Variants in MAML1 observed in about 807,000 individuals in gnomAD.
MAML1 encodes the protein mastermind-like protein 1.
Under a neutral mutation model 77.1 loss-of-function variants are expected in MAML1, and 14 were observed. The ratio of observed to expected loss-of-function variants is 0.18; its 90% CI spans 0.12 to 0.28. MAML1 has a LOEUF of 0.28. MAML1 is among the 10% of genes least tolerant of loss of function. MAML1 has a pLI of 1.00. For missense variants in MAML1, 1,217 were observed against 1,327.8 expected (o/e 0.92, Z 1.30); for synonymous variants, 516 against 551.9 (o/e 0.93, Z 0.91).
chr5:179,764,298 C>T (rs183265057), intron 1 of MAML1, among the ~76,000 whole-genome samples: 87 of 152,098 alleles, frequency 5.7e-4, no homozygotes, highest in Non-Finnish European at 4.4e-4. Context: ...CATCGAGGAG[C>T]AGATGGGAAG....
chr5:179,763,370 G>A (rs976875203), intron 1 of MAML1, among the ~76,000 whole-genome samples: 3 of 152,022 alleles, frequency 2.0e-5, no homozygotes, highest in African/African-American at 7.2e-5. Context: ...TAAAGCAAAC[G>A]TCCTGCAGCT....
chr5:179,751,252 C>T (rs1360830647), intron 1 of MAML1, among the ~76,000 whole-genome samples: 3 of 152,056 alleles, frequency 2.0e-5, no homozygotes, highest in Non-Finnish European at 2.9e-5. Flanking sequence ...GGATTACAGG[C>T]GTGAGCCACC....
chr5:179,750,223 A>G (rs1216876830), intron 1 of MAML1, among the ~76,000 whole-genome samples: 4 of 152,228 alleles, frequency 2.6e-5, no homozygotes, highest in Non-Finnish European at 5.9e-5. Context: ...GGATGTGGCC[A>G]TGTGCTCTTA....
At position 179,766,321 on chromosome 5, in the gene MAML1, C is replaced by T; in HGVS notation, c.1311C>T (p.His437=). The change falls in exon 2 of 5, where the codon CAC becomes CAT. Residue 437 remains histidine, a synonymous_variant. Transcript: ENST00000292599. This position sits in a 1 kb window ranked among gnomAD's most constrained non-coding sequence, Gnocchi z 4.0. The part of the protein sequence containing the change: ...MSTWQQTGPS[H]SSLDVPYPME... ...CATGGCAGCAGACGGGGCCCTCCCA[C>T]AGTTCCTTAGATGTCCCTTACCCCA... 1 of 1,610,426 alleles carries T rather than the reference C, an allele frequency of 6.2e-7. No individual in the cohort carries two copies. The highest frequency in any genetic ancestry group is 8.5e-7 in the Non-Finnish European group (1 of 1,178,200).
Position 179,733,127 on chromosome 5 carries a change from C to G in MAML1, c.15C>G (p.Thr5=). The change falls in exon 1 of 5, where the codon ACC becomes ACG. Residue 5 remains threonine, a synonymous_variant. Coordinates refer to ENST00000292599, the MANE Select transcript of MAML1 (RefSeq NM_014757.5). ...GCCCGCGGCCCATGGTGCTGCCCAC[C>G]TGCCCCATGGCGGAGTTCGCGCTGC... is the stretch of plus-strand genomic sequence containing the variant. MVLP[T]CPMAEFALPR... 1 of 1,439,088 alleles carries G rather than the reference C, an allele frequency of 6.9e-7. No individual in the cohort carries two copies. Among genetic ancestry groups the G allele is most frequent in the Non-Finnish European group, 9.1e-7 (1 of 1,098,532 alleles). 89.1% of individuals were successfully genotyped at this position (1,439,088 alleles called of 1,614,324 possible).
In MAML1 at chr5:179,771,088, C is replaced by T; in HGVS notation, c.1972-59C>T. The T allele has an allele frequency of 7.5e-7, 1 of 1,335,674 alleles. No individual in the cohort carries two copies. Among genetic ancestry groups the T allele is most frequent in the Non-Finnish European group, 1.1e-6 (1 of 926,758 alleles). 82.7% of individuals were successfully genotyped at this position (1,335,674 alleles called of 1,614,324 possible). ...TACTTTTCTCTGACCTCCCTCACTC[C>T]CTTTGTTTTGGATTTTGTTATATGT... On this transcript the variant is annotated intron_variant, in intron 3 of 4. Transcript: ENST00000292599. The surrounding 1 kb of genome is among the most constrained non-coding windows in gnomAD (Gnocchi z 4.7).
chr5:179,742,153 G>A (rs984106090), intron 1 of MAML1, among the ~76,000 whole-genome samples: 46 of 151,218 alleles, frequency 3.0e-4, no homozygotes, highest in African/African-American at 8.2e-4. Flanking sequence ...GATTACAGGC[G>A]TGAGCCACCG....
Position 179,776,335 on chromosome 5 carries a change from C to T in MAML1, c.*1458C>T. The T allele has an allele frequency of 1.0e-6, 1 of 985,856 alleles. No homozygotes were observed. Among genetic ancestry groups the T allele is most frequent in the Non-Finnish European group, 1.2e-6 (1 of 829,956 alleles). The allele number at this position is 985,856 out of a possible 1,614,324, so 61.1% of individuals were successfully genotyped here. On this transcript the variant is annotated 3_prime_UTR_variant, in exon 5 of 5. Transcript: ENST00000292599. ...TGTGAGAATTGAGCCAAGGAAAATA[C>T]TCATGCAACCAGCCTGAGTCGCGGT...
chr5:179,768,782 C>A, intron 2 of MAML1, 68 bp from the exon 3 acceptor site: 1 of 1,571,832 alleles, frequency 6.4e-7, no homozygotes, highest in South Asian at 1.1e-5. Context: ...ACCTTGAATT[C>A]ACTGGATGGA....
Position 179,775,249 on chromosome 5 carries a change from A to C in MAML1, c.*372A>C, listed in dbSNP as rs1366396552. Reference sequence around the variant, plus strand: ...TGGTGATTTTATCCAAGACTGCTCCACTTACCCCAGTGCTGGGGACAAGTT... The same window carrying C: ...TGGTGATTTTATCCAAGACTGCTCCCCTTACCCCAGTGCTGGGGACAAGTT... On this transcript the variant is annotated 3_prime_UTR_variant, in exon 5 of 5. Transcript: ENST00000292599. 8 of 1,015,590 alleles carry C rather than the reference A, an allele frequency of 7.9e-6. No homozygotes were observed. Among genetic ancestry groups the C allele is most frequent in the Non-Finnish European group, 8.2e-6 (7 of 850,350 alleles). The allele number at this position is 1,015,590 out of a possible 1,614,324, so 62.9% of individuals were successfully genotyped here. A position where few individuals can be genotyped will look rare whatever the true frequency, so the allele number is the denominator to read the frequency against.
Position 179,775,390 on chromosome 5 carries a change from T to C in MAML1, c.*513T>C, listed in dbSNP as rs1756114715. 14 of 985,406 alleles carry C rather than the reference T, an allele frequency of 1.4e-5. No individual in the cohort carries two copies. The highest frequency in any genetic ancestry group is 1.7e-5 in the Non-Finnish European group (14 of 829,854). The allele number at this position is 985,406 out of a possible 1,614,324, so 61.0% of individuals were successfully genotyped here. Reference sequence around the variant, plus strand: ...AGGGTAGGTGATGGTTTAAATCAATTAAGTGGCATTGGAAACCTAGGGTTT... The same window carrying C: ...AGGGTAGGTGATGGTTTAAATCAATCAAGTGGCATTGGAAACCTAGGGTTT... On this transcript the variant is annotated 3_prime_UTR_variant, in exon 5 of 5. Transcript: ENST00000292599.
Position 179,769,063 on chromosome 5 carries a change from A to C in MAML1, c.1945A>C (p.Arg649=). 1 of 1,614,228 alleles carries C rather than the reference A, an allele frequency of 6.2e-7. No individual in the cohort carries two copies. The highest frequency in any genetic ancestry group is 8.5e-7 in the Non-Finnish European group (1 of 1,180,042). The change falls in exon 3 of 5, where the codon AGG becomes CGG. Residue 649 remains arginine, a synonymous_variant. Coordinates refer to ENST00000292599, the MANE Select transcript of MAML1 (RefSeq NM_014757.5). This position sits in a 1 kb window ranked among gnomAD's most constrained non-coding sequence, Gnocchi z 4.2. ...KHLQQQQFLQ[R]QQHLLAEQEK... is the part of the protein sequence containing the mutation. ...TTTACAGCAACAGCAGTTCCTTCAG[A>C]GGCAACAGCACCTTCTCGCGGAACA...
intron 1 of MAML1, among the ~76,000 whole-genome samples, chr5:179,753,883 G>A (rs1317328248): frequency 6.6e-6 from 1 of 151,850 alleles, no homozygotes; most frequent in Non-Finnish European, 1.5e-5. Flanking sequence ...TGTTGGTCAA[G>A]CTGGTCTCGA....
intron 1 of MAML1, among the ~76,000 whole-genome samples, chr5:179,762,606 G>A (rs1261474061): frequency 6.6e-6 from 1 of 152,228 alleles, no homozygotes; most frequent in Non-Finnish European, 1.5e-5. Flanking sequence ...CAGATGTGCT[G>A]GAGCAGGCTC....
chr5:179,733,340 G>A lies in MAML1; in HGVS notation c.228G>A (p.Gln76=). ...CCAAGCGCGCCGGGAAGCACAGGCA[G>A]CCGCCCGCCGCCACGGCCCCGGCGC... is the stretch of plus-strand genomic sequence containing the variant. ...AKAKRAGKHR[Q]PPAATAPAPA... is the part of the protein sequence containing the mutation. Residue 76 remains glutamine, a synonymous_variant, in exon 1 of 5, where the codon CAG becomes CAA. Transcript: ENST00000292599. 7.6e-7 allele frequency: 1 copy of A among 1,315,288 alleles called. No individual in the cohort carries two copies. The highest frequency in any genetic ancestry group is 1.9e-5 in the South Asian group (1 of 53,868). 81.5% of individuals were successfully genotyped at this position (1,315,288 alleles called of 1,614,324 possible).
intron 1 of MAML1, among the ~76,000 whole-genome samples, chr5:179,748,950 G>GTTTTTTTTTTTTTTT (rs71276885): frequency 9.3e-6 from 1 of 107,952 alleles, no homozygotes; most frequent in Non-Finnish European, 2.1e-5. Context: ...AGGTGTTTTT[G>GTTTTTTTTTTTTTTT]TTTTTTTTTT....
intron 1 of MAML1, among the ~76,000 whole-genome samples, chr5:179,762,920 AC>A (rs1475178317): frequency 2.0e-5 from 3 of 152,254 alleles, no homozygotes; most frequent in African/African-American, 4.8e-5. Flanking sequence ...AATAGGTATT[AC>A]AAAATTCAGT....
At chr5:179,752,527 ATATTTC>A (rs1409711560) in intron 1 of MAML1, among the ~76,000 whole-genome samples, 1 of 110,442 alleles carries the variant, frequency 9.1e-6, no homozygotes, top group Admixed American at 9.8e-5. Context: ...TGTGGCTGGC[ATATTTC>A]TATTAGTGCT....
In MAML1 at chr5:179,769,087, C is replaced by G. The variant is rs1319742055; in HGVS notation, c.1969C>G (p.Gln657Glu). The change falls in exon 3 of 5, where the codon CAG becomes GAG. Residue 657 changes from glutamine to glutamate, a missense_variant and splice_region_variant. Transcript: ENST00000292599. This position sits in a 1 kb window ranked among gnomAD's most constrained non-coding sequence, Gnocchi z 4.2. ...LQRQQHLLAE[Q>E]EKQQFQRHLT... is the part of the protein sequence containing the mutation. ...GAGGCAACAGCACCTTCTCGCGGAA[C>G]AGGTAAAAAGAAAAGTGGAAGGAAA... 9 of 1,613,960 alleles carry G rather than the reference C, an allele frequency of 5.6e-6. No homozygotes were observed. In the African/African-American group the frequency reaches 9.3e-5, roughly 17 times the overall value.
Sources: allele counts gnomAD v4.1 joint callset (sites outside exome capture counted in the v4.1 genomes callset), GRCh38; gene constraint gnomAD v4.1.1; non-coding constraint Gnocchi (gnomAD v3.1); transcripts MANE v1.5; gene names NCBI Gene and HGNC (gene_info 2026-07-23, HGNC 2026-07-21).